Variants in LARS1 observed in about 807,000 individuals in gnomAD.
The protein encoded by LARS1 is leucine--tRNA ligase, cytoplasmic.
A neutral mutation model predicts 162.8 loss-of-function variants in LARS1; 100 were observed. The observed-to-expected ratio is 0.61, with a 90% confidence interval of 0.52 to 0.73. LARS1 has a LOEUF of 0.73. Among genes scored for constraint, LARS1 ranks in the 30% least tolerant of loss-of-function variants. LARS1 has a pLI of 0.00. For synonymous variants in LARS1, 457 were observed against 462.8 expected (o/e 0.99, Z 0.16); for missense variants, 1,258 against 1,408.9 (o/e 0.89, Z 1.71).
chr5:146,124,127 G>A (rs955288084), intron 28 of LARS1, 41 bp from the exon 29 acceptor site: 13 of 1,144,672 alleles, frequency 1.1e-5, no homozygotes, highest in Non-Finnish European at 1.7e-5. Flanking sequence ...ATCACAGTAA[G>A]AATATGTTGG....
chr5:146,171,494 T>C (rs2126581750), intron 4 of LARS1, among the ~76,000 whole-genome samples: 1 of 152,354 alleles, frequency 6.6e-6, no homozygotes, highest in South Asian at 2.1e-4. Context: ...TTGAGAATTA[T>C]TTCTAATACA....
chr5:146,115,040 C>CA (rs1554125538), intron 31 of LARS1, among the ~76,000 whole-genome samples: 4 of 90,096 alleles, frequency 4.4e-5, no homozygotes, highest in Non-Finnish European at 6.7e-5. Flanking sequence ...AAGATTCTGT[C>CA]GGGGGGAAAA....
chr5:146,171,858 A>T, intron 4 of LARS1, 52 bp downstream of exon 4: 1 of 1,313,554 alleles, frequency 7.6e-7, no homozygotes, highest in Non-Finnish European at 1.1e-6. Context: ...ATTGGGTATT[A>T]CTATTTGCTC....
chr5:146,125,484 T>C (rs761970036), intron 28 of LARS1, among the ~76,000 whole-genome samples: 3 of 152,028 alleles, frequency 2.0e-5, no homozygotes, highest in Non-Finnish European at 4.4e-5. Flanking sequence ...TACTAATTTG[T>C]ATTTTTAAAC....
At chr5:146,143,645 A>G (rs1214754601) in intron 18 of LARS1, 95 bp from the exon 19 acceptor site, 8 of 1,118,490 alleles carry the variant, frequency 7.2e-6, no homozygotes, top group Non-Finnish European at 1.0e-5. Flanking sequence ...TTACAAAGCT[A>G]CTTATTTAGG....
chr5:146,115,045 G>GAA (rs1764140617), intron 31 of LARS1, among the ~76,000 whole-genome samples: 2 of 91,056 alleles, frequency 2.2e-5, no homozygotes, highest in Non-Finnish European at 2.4e-5. Context: ...TCTGTCGGGG[G>GAA]GAAAAAAAAA....
intron 15 of LARS1, among the ~76,000 whole-genome samples, chr5:146,146,277 C>A (rs1561814038): frequency 6.7e-6 from 1 of 149,410 alleles, no homozygotes; most frequent in Non-Finnish European, 1.5e-5. Flanking sequence ...GAGGCAGAGG[C>A]TGCGGTGAGC....
intron 5 of LARS1, among the ~76,000 whole-genome samples, chr5:146,165,270 T>C (rs1581073816): frequency 6.6e-6 from 1 of 151,262 alleles, no homozygotes; most frequent in Non-Finnish European, 1.5e-5. Context: ...GAGGCGGAGG[T>C]TGCAGTGAGC....
In LARS1 at chr5:146,113,201, A is replaced by T. The variant is rs549505368; in HGVS notation, c.*905T>A. Reference sequence around the variant, plus strand: ...TGCCTCACACTCCCAAGCAGCTGGGATTACAGGTACCCGCCACCATGCCAA... The same window carrying T: ...TGCCTCACACTCCCAAGCAGCTGGGTTTACAGGTACCCGCCACCATGCCAA... On this transcript the variant is annotated 3_prime_UTR_variant, in exon 32 of 32. Transcript: ENST00000394434. The T allele has an allele frequency of 6.6e-6, 1 of 152,390 alleles. No homozygotes were observed. The highest frequency in any genetic ancestry group is 2.1e-4 in the South Asian group (1 of 4,830). 9.4% of individuals were successfully genotyped at this position (152,390 alleles called of 1,614,324 possible).
At chr5:146,152,770 T>C (rs1321151272) in intron 13 of LARS1, among the ~76,000 whole-genome samples, 1 of 152,222 alleles carries the variant, frequency 6.6e-6, no homozygotes, top group East Asian at 1.9e-4. Flanking sequence ...AAAGTTTTTC[T>C]TCTATAGATA....
At chr5:146,136,211 A>G (rs1223075899) in intron 21 of LARS1, among the ~76,000 whole-genome samples, 1 of 152,344 alleles carries the variant, frequency 6.6e-6, no homozygotes, top group Non-Finnish European at 1.5e-5. Context: ...AACTATGCTG[A>G]TATCAGAAGG....
chr5:146,177,130 C>A (rs1374972944), intron 2 of LARS1, among the ~76,000 whole-genome samples: 1 of 152,136 alleles, frequency 6.6e-6, no homozygotes, highest in African/African-American at 2.4e-5. Flanking sequence ...CTTATGGGTT[C>A]CACCAAGCTG....
At chr5:146,140,961 T>A (rs1752753219) in intron 20 of LARS1, among the ~76,000 whole-genome samples, 1 of 152,212 alleles carries the variant, frequency 6.6e-6, no homozygotes, top group African/African-American at 2.4e-5. Flanking sequence ...GGTATCTTTA[T>A]ATACATTAAC....
At chr5:146,135,090 G>GCCTC (rs1381663898) in intron 22 of LARS1, among the ~76,000 whole-genome samples, 1 of 151,806 alleles carries the variant, frequency 6.6e-6, no homozygotes, top group Non-Finnish European at 1.5e-5. Context: ...TGCAACCTCC[G>GCCTC]CCTCCCGGGT....
In LARS1 at chr5:146,114,014, G is replaced by C. The variant is rs935055736; in HGVS notation, c.*92C>G. On this transcript the variant is annotated 3_prime_UTR_variant, in exon 32 of 32. Coordinates refer to ENST00000394434, the MANE Select transcript of LARS1 (RefSeq NM_020117.11). The stretch of plus-strand genomic sequence containing the variant: ...TTAGAAATGAAATCAATCTATTTAG[G>C]TCCAGCCTAAGGTTCTGATAGCCAA... The C allele has an allele frequency of 2.7e-5, 25 of 917,244 alleles. No individual in the cohort carries two copies. In the African/African-American group the frequency reaches 4.1e-4, roughly 15 times the overall value. 56.8% of individuals were successfully genotyped at this position (917,244 alleles called of 1,614,324 possible). A position where few individuals can be genotyped will look rare whatever the true frequency, so the allele number is the denominator to read the frequency against.
In LARS1 at chr5:146,164,317, C is replaced by G. The variant is rs1266944529; in HGVS notation, c.587G>C (p.Gly196Ala). 6.2e-6 allele frequency: 10 copies of G among 1,613,874 alleles called. No homozygotes were observed. The highest frequency in any genetic ancestry group is 8.5e-6 in the Non-Finnish European group (10 of 1,179,830). The change falls in exon 6 of 32, where the codon GGT becomes GCT. Residue 196 changes from glycine (G) to alanine (A), a missense_variant. Physicochemically the swap from Gly to Ala is moderately conservative, Grantham distance 60. Coordinates refer to ENST00000394434, the MANE Select transcript of LARS1 (RefSeq NM_020117.11). The stretch of plus-strand genomic sequence containing the variant: ...TTTCCTTTATAGACATACCTTCAAA[C>G]CCATTCTTTTTAAATCCTGAATAGC... ...PLAIQDLKRM[G>A]LKVDWRRSFI...
intron 27 of LARS1, among the ~76,000 whole-genome samples, chr5:146,127,701 C>T (rs1411338629): frequency 6.6e-6 from 1 of 151,998 alleles, no homozygotes; most frequent in Non-Finnish European, 1.5e-5. Flanking sequence ...TCAAAATCTG[C>T]AAGCAGATTC....
At chr5:146,123,787 G>A (rs1751929595) in intron 29 of LARS1, among the ~76,000 whole-genome samples, 195 bp downstream of exon 29, 1 of 151,480 alleles carries the variant, frequency 6.6e-6, no homozygotes. Flanking sequence ...GAAATAAGAT[G>A]ACATATCACT....
At chr5:146,160,798 T>G (rs564760812) in intron 6 of LARS1, among the ~76,000 whole-genome samples, 39 of 152,336 alleles carry the variant, frequency 2.6e-4, no homozygotes, top group South Asian at 6.2e-4. Flanking sequence ...ATTCTTTGAA[T>G]AAAGCTCCTT....
Sources: allele counts gnomAD v4.1 joint callset (sites outside exome capture counted in the v4.1 genomes callset), GRCh38; gene constraint gnomAD v4.1.1; transcripts MANE v1.5; gene names NCBI Gene and HGNC (gene_info 2026-07-23, HGNC 2026-07-21).